Variants in FMN1 observed in about 807,000 individuals in gnomAD.
FMN1 encodes the protein formin 1.
Under a neutral mutation model 132.4 loss-of-function variants are expected in FMN1, and 110 were observed. The ratio of observed to expected loss-of-function variants is 0.83; its 90% confidence interval spans 0.71 to 0.97. The LOEUF is 0.97. FMN1 is among the 50% of genes least tolerant of loss of function. FMN1 has a pLI of 0.00. For synonymous variants in FMN1, 722 were observed against 651.7 expected, an observed-to-expected ratio of 1.11 and a Z score of -1.64; for missense variants, 1,792 against 1,705.3, an observed-to-expected ratio of 1.05 and a Z score of -0.90.
chr15:32,795,578 C>T (rs77310433), intron 19 of FMN1, among the ~76,000 whole-genome samples: 232 of 149,442 alleles, frequency 1.6e-3, no homozygotes, highest in Non-Finnish European at 2.5e-3. Flanking sequence ...GATCACATAG[C>T]CAATTAATGG....
At chr15:32,950,191 T>A (rs1026927123) in intron 9 of FMN1, among the ~76,000 whole-genome samples, 1 of 149,442 alleles carries the variant, frequency 6.7e-6, no homozygotes, top group East Asian at 2.0e-4. Flanking sequence ...AAAAATAACA[T>A]GCTGGCAAAG....
At chr15:32,849,077 G>A (rs1038273195) in intron 17 of FMN1, among the ~76,000 whole-genome samples, 1 of 138,756 alleles carries the variant, frequency 7.2e-6, no homozygotes, top group Admixed American at 8.0e-5. Flanking sequence ...TCTGCCTCCC[G>A]GGTTCATGCC....
chr15:32,924,173 G>A (rs765833429), intron 10 of FMN1, among the ~76,000 whole-genome samples: 10 of 152,110 alleles, frequency 6.6e-5, no homozygotes, highest in Non-Finnish European at 1.2e-4. Context: ...AGTCCCTGAA[G>A]AATCCCATTC....
At chr15:33,064,869 C>A in intron 6 of FMN1, 88 bp downstream of exon 6, 3 of 892,066 alleles carry the variant, frequency 3.4e-6, no homozygotes, top group East Asian at 2.6e-5. Context: ...GAAATAAAAC[C>A]CCAAATTCTG....
intron 17 of FMN1, among the ~76,000 whole-genome samples, chr15:32,825,800 G>A (rs933114663): frequency 5.3e-5 from 8 of 152,098 alleles, no homozygotes; most frequent in South Asian, 2.1e-4. Context: ...TCCTGACTAC[G>A]TTGTGAGATC....
At chr15:33,103,739 T>C (rs2039379810) in intron 4 of FMN1, among the ~76,000 whole-genome samples, 1 of 152,138 alleles carries the variant, frequency 6.6e-6, no homozygotes, top group Non-Finnish European at 1.5e-5. Context: ...CTTTTCAGAA[T>C]GTTTTGTTCA....
chr15:33,043,687 G>A (rs986606631), intron 6 of FMN1, among the ~76,000 whole-genome samples: 1 of 152,254 alleles, frequency 6.6e-6, no homozygotes, highest in Non-Finnish European at 1.5e-5. Context: ...CCTATATGGA[G>A]CGGCCACTGC....
chr15:32,991,999 T>C (rs1167217636), intron 7 of FMN1, among the ~76,000 whole-genome samples: 1 of 152,198 alleles, frequency 6.6e-6, no homozygotes, highest in Non-Finnish European at 1.5e-5. Flanking sequence ...ACTATAGACC[T>C]TGTAGTCCAG....
chr15:33,131,328 CAAAAAAAA>C (rs10710700), intron 4 of FMN1, among the ~76,000 whole-genome samples: 1 of 80,226 alleles, frequency 1.2e-5, no homozygotes, highest in African/African-American at 4.7e-5. Flanking sequence ...GACTCCATCT[CAAAAAAAA>C]AAAAAAAAAA....
chr15:32,807,676 C>A (rs2057729677), intron 17 of FMN1, among the ~76,000 whole-genome samples: 1 of 152,242 alleles, frequency 6.6e-6, no homozygotes, highest in South Asian at 2.1e-4. Flanking sequence ...AATTGAGCAT[C>A]AGGTAAGATT....
At chr15:32,843,646 G>A (rs1016889087) in intron 17 of FMN1, among the ~76,000 whole-genome samples, 1 of 152,108 alleles carries the variant, frequency 6.6e-6, no homozygotes, top group Non-Finnish European at 1.5e-5. Flanking sequence ...ATTTATTTCA[G>A]CAAGGAAATG....
chr15:33,060,727 A>C (rs918655939), intron 6 of FMN1, among the ~76,000 whole-genome samples: 3 of 152,194 alleles, frequency 2.0e-5, no homozygotes, highest in Admixed American at 6.5e-5. Context: ...GTAGAGAGAA[A>C]AGCTTTTCCA....
At chr15:32,881,512 G>C (rs1228059866) in intron 16 of FMN1, among the ~76,000 whole-genome samples, 3 of 152,162 alleles carry the variant, frequency 2.0e-5, no homozygotes, top group African/African-American at 7.2e-5. Flanking sequence ...TCCTTGATGA[G>C]TGTTCAATCA....
rs560109222 is a variant in FMN1, at chr15:33,108,305, G to A, written c.1868-19331C>T. 1.3e-4 allele frequency among the ~76,000 whole-genome samples: 20 copies of A among 152,138 alleles called. No individual in the cohort carries two copies. The South Asian group carries it at 3.1e-3, about 24-fold the overall frequency. ...GCTTTGGTAAAAGTTTTGATGGAGG[G>A]GGAAAAACATAAAGCTAAAGGACAT... On this transcript the variant is annotated intron_variant, in intron 4 of 20. Coordinates refer to ENST00000616417, the MANE Select transcript of FMN1 (RefSeq NM_001277313.2).
At chr15:32,801,675 G>A (rs114104246) in intron 18 of FMN1, among the ~76,000 whole-genome samples, 231 of 152,326 alleles carry the variant, frequency 1.5e-3, no homozygotes, top group African/African-American at 5.4e-3. Context: ...GGCACCTGCA[G>A]GCCCAGCCAC....
chr15:33,014,612 T>A (rs559252155), intron 6 of FMN1, among the ~76,000 whole-genome samples: 153 of 152,228 alleles, frequency 1.0e-3, no homozygotes, highest in Non-Finnish European at 2.0e-3. Flanking sequence ...GGAGTAAGGC[T>A]CCTAACTGGC....
intron 2 of FMN1, among the ~76,000 whole-genome samples, chr15:33,184,705 T>C (rs1303691594): frequency 6.6e-6 from 1 of 152,156 alleles, no homozygotes; most frequent in Admixed American, 6.5e-5. Flanking sequence ...GTTTACGCCA[T>C]GTTGGCCAGG....
At chr15:33,008,836 C>T (rs1272864336) in intron 6 of FMN1, among the ~76,000 whole-genome samples, 1 of 152,062 alleles carries the variant, frequency 6.6e-6, no homozygotes, top group Non-Finnish European at 1.5e-5. Flanking sequence ...TGCAGAGAAC[C>T]ACAAGACAAA....
chr15:32,863,649 T>C (rs1181685266), intron 16 of FMN1, among the ~76,000 whole-genome samples: 1 of 152,192 alleles, frequency 6.6e-6, no homozygotes, highest in Non-Finnish European at 1.5e-5. Context: ...TTCTAGTAAC[T>C]TGAACTGCAG....
Sources: allele counts gnomAD v4.1 joint callset (sites outside exome capture counted in the v4.1 genomes callset), GRCh38; gene constraint gnomAD v4.1.1; transcripts MANE v1.5; gene names NCBI Gene and HGNC (gene_info 2026-07-23, HGNC 2026-07-21).